The following AGBL1 variants were observed in gnomAD, a reference collection of about 807,000 sequenced individuals.
AGBL1 encodes AGBL carboxypeptidase 1.
AGBL1 carries 130 observed loss-of-function variants against 118.9 expected under a neutral mutation model. The ratio of observed to expected loss-of-function variants is 1.09; its 90% CI spans 0.95 to 1.26. The LOEUF (loss-of-function observed/expected upper bound fraction) is 1.26. Among genes scored for constraint, AGBL1 ranks in the 50% most tolerant of loss-of-function variants. The pLI, the probability that AGBL1 is intolerant of heterozygous loss-of-function variation, is 0.00. For missense variants in AGBL1, 1,584 were observed against 1,298.1 expected, an observed-to-expected ratio of 1.22 and a Z score of -3.38; for synonymous variants, 555 against 478.9, an observed-to-expected ratio of 1.16 and a Z score of -2.08.
At position 86,622,574 on chromosome 15, in the gene AGBL1, G is replaced by A. The variant is rs148138274; in HGVS notation, c.2995-51699G>A. Reference sequence around the variant, plus strand: ...ATGAAAAGATGGAGCACTTTGAATGGCAGGAGAAATGATGACCTTTGGGAA... The same window carrying A: ...ATGAAAAGATGGAGCACTTTGAATGACAGGAGAAATGATGACCTTTGGGAA... On this transcript the variant is annotated intron_variant, in intron 21 of 22. Coordinates refer to ENST00000614907, the MANE Select transcript of AGBL1 (RefSeq NM_001386094.1). Among the ~76,000 whole-genome samples the A allele has an allele frequency of 1.2e-3, 187 of 152,214 alleles. 2 individuals are homozygous for A. The highest frequency in any genetic ancestry group is 7.9e-3 in the East Asian group (41 of 5,170).
intron 1 of AGBL1, among the ~76,000 whole-genome samples, chr15:86,104,684 G>A (rs1433058129): frequency 6.6e-6 from 1 of 152,198 alleles, no homozygotes; most frequent in Non-Finnish European, 1.5e-5. Flanking sequence ...TGCCCGTGGG[G>A]CTCCCAGAAT....
rs185161197 is a variant in AGBL1 at position 86,295,942 on chromosome 15, A to G, written c.2374+534A>G. ...CACACACACGCAGACACACACAAATATACGCATATGGACATATAGACAAAC... is the reference window on the plus strand; with the variant it reads ...CACACACACGCAGACACACACAAATGTACGCATATGGACATATAGACAAAC... On this transcript the variant is annotated intron_variant, in intron 17 of 22. Transcript: ENST00000614907. 348 of 156,002 alleles carry G rather than the reference A, an allele frequency of 2.2e-3. 1 individual carries two copies. The highest frequency in any genetic ancestry group is 7.8e-3 in the African/African-American group (326 of 41,616). 9.7% of individuals were successfully genotyped at this position (156,002 alleles called of 1,614,324 possible). A position where few individuals can be genotyped will look rare whatever the true frequency, so the allele number is the denominator to read the frequency against.
intron 22 of AGBL1, among the ~76,000 whole-genome samples, chr15:86,746,054 T>C (rs1376485019): frequency 1.3e-5 from 2 of 152,102 alleles, no homozygotes; most frequent in Non-Finnish European, 2.9e-5. Context: ...CTTGTGGTTA[T>C]GCCTCTCACC....
chr15:86,261,953 A>G (rs1046191365), intron 9 of AGBL1, among the ~76,000 whole-genome samples: 13 of 152,052 alleles, frequency 8.5e-5, no homozygotes, highest in African/African-American at 2.9e-4. Context: ...TCTCCCGCCT[A>G]CTTCTCAAAT....
rs369816426 is a variant in AGBL1, at chr15:86,354,041, C to T, written c.2375-43325C>T. Among the ~76,000 whole-genome samples the T allele has an allele frequency of 7.0e-4, 106 of 152,258 alleles. 1 individual carries two copies. The South Asian group carries it at 0.019, about 27-fold the overall frequency. On this transcript the variant is annotated intron_variant, in intron 17 of 22. Coordinates refer to ENST00000614907, the MANE Select transcript of AGBL1 (RefSeq NM_001386094.1). ...AGCTCTGTGAAGGACACTAATGAGG[C>T]GGGTGATTTGCACTTCTGCATAGAT... is the stretch of plus-strand genomic sequence containing the variant.
At chr15:86,373,159 A>G (rs1003858421) in intron 17 of AGBL1, among the ~76,000 whole-genome samples, 11 of 151,652 alleles carry the variant, frequency 7.3e-5, no homozygotes, top group Non-Finnish European at 8.8e-5. Flanking sequence ...CACCTAATTA[A>G]CTCCTTGTGG....
chr15:86,464,243 C>G (rs1254485981), intron 18 of AGBL1, among the ~76,000 whole-genome samples: 1 of 152,102 alleles, frequency 6.6e-6, no homozygotes, highest in Non-Finnish European at 1.5e-5. Context: ...CTCTGTTTGT[C>G]TATTATTGGT....
intron 3 of AGBL1, among the ~76,000 whole-genome samples, chr15:86,145,088 C>G (rs910996039): frequency 6.6e-6 from 1 of 152,166 alleles, no homozygotes; most frequent in South Asian, 2.1e-4. Context: ...ACGTGCTGTT[C>G]TCCTCTGTAT....
rs768610169 is a variant in AGBL1, at chr15:86,224,921, A to G, written c.496A>G (p.Thr166Ala). 1.4e-5 allele frequency: 22 copies of G among 1,613,434 alleles called. No individual in the cohort carries two copies. Among genetic ancestry groups the G allele is most frequent in the Non-Finnish European group, 1.9e-5 (22 of 1,179,546 alleles). Residue 166 changes from threonine (T) to alanine (A), a missense_variant, in exon 6 of 23, where the codon ACT (threonine) becomes GCT (alanine). Thr to Ala is a moderately conservative substitution (Grantham distance 58, BLOSUM62 0). Transcript: ENST00000614907. ...RKRTQAIRAA[T>A]EVLAALLKSK... The stretch of plus-strand genomic sequence containing the variant: ...TTCTTTCTCTTTCCCCAGGGCAGCC[A>G]CTGAAGTTTTGGCAGCATTGCTGAA...
At chr15:86,659,032 A>G (rs1419426414) in intron 21 of AGBL1, among the ~76,000 whole-genome samples, 1 of 152,196 alleles carries the variant, frequency 6.6e-6, no homozygotes, top group Admixed American at 6.5e-5. Context: ...TCACAAAGAC[A>G]GAAGTAAGCC....
chr15:86,842,278 A>G (rs1446706115), intron 22 of AGBL1, among the ~76,000 whole-genome samples: 1 of 152,128 alleles, frequency 6.6e-6, no homozygotes, highest in Non-Finnish European at 1.5e-5. Flanking sequence ...AAGAACTGGA[A>G]AGCTTTTATT....
chr15:86,734,990 A>G (rs940841438), intron 22 of AGBL1, among the ~76,000 whole-genome samples: 9 of 151,202 alleles, frequency 6.0e-5, no homozygotes, highest in Non-Finnish European at 1.0e-4. Context: ...CCAGTTTTCT[A>G]TTTTCTTTTG....
At chr15:86,436,033 T>C (rs575914874) in intron 18 of AGBL1, among the ~76,000 whole-genome samples, 119 of 152,130 alleles carry the variant, frequency 7.8e-4, no homozygotes, top group African/African-American at 2.8e-3. Context: ...CCTAAGATGG[T>C]ACTTCAGGGT....
chr15:86,861,153 G>A (rs897776203), intron 22 of AGBL1, among the ~76,000 whole-genome samples: 1 of 152,030 alleles, frequency 6.6e-6, no homozygotes, highest in African/African-American at 2.4e-5. Flanking sequence ...TTTTTTCTAG[G>A]GAATTCTGAT....
chr15:86,185,232 C>T lies in AGBL1; in HGVS notation c.488+26206C>T, dbSNP rs193163426. On this transcript the variant is annotated intron_variant, in intron 5 of 22. Transcript: ENST00000614907. ...TACCATCTCACACCAGTTAGAATGG[C>T]GATCATTAAAAAGTCAGGGAACAAC... Among the ~76,000 whole-genome samples the T allele has an allele frequency of 2.9e-3, 439 of 152,168 alleles. 3 individuals are homozygous for T. Among genetic ancestry groups the T allele is most frequent in the Non-Finnish European group, 3.6e-3 (244 of 67,978 alleles).
At chr15:86,131,545 C>T (rs1447501636) in intron 1 of AGBL1, among the ~76,000 whole-genome samples, 1 of 152,042 alleles carries the variant, frequency 6.6e-6, no homozygotes, top group Non-Finnish European at 1.5e-5. Context: ...GCCTCAATTT[C>T]CTTATCGTTA....
chr15:86,633,833 G>GTATATATATAATGTATA (rs2085026907), intron 21 of AGBL1, among the ~76,000 whole-genome samples: 5 of 31,678 alleles, frequency 1.6e-4, no homozygotes, highest in Admixed American at 6.0e-4. Flanking sequence ...TATATATAAT[G>GTATATATATAATGTATA]TATATATATA....
In AGBL1 at chr15:86,980,962, C is replaced by T. The variant is rs973989571; in HGVS notation, c.3222-7025C>T. Among the ~76,000 whole-genome samples, 4 of 143,876 alleles carry T rather than the reference C, an allele frequency of 2.8e-5. No individual in the cohort carries two copies. In the South Asian group the frequency reaches 6.5e-4, roughly 23 times the overall value. The allele number at this position is 143,876 out of a possible 152,430, so 94.4% of individuals were successfully genotyped here. On this transcript the variant is annotated intron_variant, in intron 23 of 24. Coordinates refer to the AGBL1 transcript ENST00000441037. ...AGTGCAGTGGTGTGATCTCAGCTCA[C>T]GACTGTCTCCACCTCCCAGGTTCAA... is the stretch of plus-strand genomic sequence containing the variant.
intron 24 of AGBL1, among the ~76,000 whole-genome samples, chr15:87,022,606 C>T (rs1191588118): frequency 2.0e-5 from 3 of 152,064 alleles, no homozygotes; most frequent in Admixed American, 2.0e-4. Context: ...GCTCAAGGAA[C>T]ACCTGGGAAA....
Sources: allele counts gnomAD v4.1 joint callset (sites outside exome capture counted in the v4.1 genomes callset), GRCh38; gene constraint gnomAD v4.1.1; transcripts MANE v1.5; gene names NCBI Gene and HGNC (gene_info 2026-07-23, HGNC 2026-07-21).